EHBP1: variants seen among roughly 807,000 people sequenced by gnomAD.
EHBP1 encodes EH domain-binding protein 1.
In EHBP1, 55 loss-of-function variants were observed where a neutral mutation model predicts 144.0. The ratio of observed to expected loss-of-function variants is 0.38; its 90% confidence interval spans 0.31 to 0.48. The LOEUF (loss-of-function observed/expected upper bound fraction) is 0.48. EHBP1 is among the 20% of genes least tolerant of loss of function. The pLI, the probability that EHBP1 is intolerant of heterozygous loss-of-function variation, is 0.98. For missense variants in EHBP1, 1,200 were observed against 1,364.2 expected, an observed-to-expected ratio of 0.88 and a Z score of 1.90; for synonymous variants, 469 against 472.7, an observed-to-expected ratio of 0.99 and a Z score of 0.10.
Position 62,806,919 on chromosome 2 carries a change from A to G in EHBP1, c.313-19168A>G, listed in dbSNP as rs144055704. Among the ~76,000 whole-genome samples, 247 of 152,172 alleles carry G rather than the reference A, an allele frequency of 1.6e-3. 1 individual carries two copies. Among genetic ancestry groups the G allele is most frequent in the Middle Eastern group, 6.8e-3 (2 of 294 alleles). ...TTGCTGCTATTCTTTTTACTTATAT[A>G]TAAGCATACAAAAACATTTATAGTC... On this transcript the variant is annotated intron_variant, in intron 5 of 22. Coordinates refer to ENST00000431489, the MANE Select transcript of EHBP1 (RefSeq NM_001142616.3).
chr2:62,896,373 C>T (rs563105822), intron 10 of EHBP1, among the ~76,000 whole-genome samples: 95 of 152,226 alleles, frequency 6.2e-4, no homozygotes, highest in East Asian at 1.5e-3. Context: ...AAGGATCTTA[C>T]GGACCATTGT....
chr2:62,862,822 A>C (rs1208406669), intron 8 of EHBP1, among the ~76,000 whole-genome samples: 1 of 152,198 alleles, frequency 6.6e-6, no homozygotes, highest in Non-Finnish European at 1.5e-5. Flanking sequence ...GGCTCACTGA[A>C]ATTTTCCTAC....
chr2:63,032,014 C>T (rs1468143909), intron 19 of EHBP1, among the ~76,000 whole-genome samples: 1 of 151,912 alleles, frequency 6.6e-6, no homozygotes, highest in Non-Finnish European at 1.5e-5. Context: ...GTAATGACTA[C>T]TTTGATGCTT....
upstream of EHBP1, among the ~76,000 whole-genome samples, chr2:62,703,024 A>G (rs182757471): frequency 2.6e-5 from 4 of 152,226 alleles, no homozygotes; most frequent in Admixed American, 1.3e-4. Flanking sequence ...TTTATGTACT[A>G]TTGGTAATAT....
chr2:62,942,926 T>C, intron 11 of EHBP1, 30 bp downstream of exon 11: 1 of 1,453,762 alleles, frequency 6.9e-7, no homozygotes, highest in South Asian at 1.4e-5. Context: ...ATTCCCTATA[T>C]TTTGTAAGTG....
At chr2:62,820,307 AAAG>A (rs1035066078) in intron 5 of EHBP1, among the ~76,000 whole-genome samples, 10 of 152,110 alleles carry the variant, frequency 6.6e-5, no homozygotes, top group Non-Finnish European at 1.3e-4. Context: ...ATAAAAGTAA[AAAG>A]ACTCACAATA....
intron 14 of EHBP1, 157 bp downstream of exon 14, chr2:62,955,817 T>G: frequency 1.5e-6 from 1 of 678,134 alleles, no homozygotes; most frequent in African/African-American, 1.8e-5. Context: ...AAATTCATAC[T>G]TGTAGGACCA....
At chr2:62,869,492 A>T (rs2050295825) in intron 9 of EHBP1, among the ~76,000 whole-genome samples, 1 of 152,216 alleles carries the variant, frequency 6.6e-6, no homozygotes, top group African/African-American at 2.4e-5. Flanking sequence ...AAATTGCAAG[A>T]TCATTATACT....
chr2:62,921,819 A>ATTTTGTATG (rs2055112938), intron 10 of EHBP1, among the ~76,000 whole-genome samples: 1 of 152,186 alleles, frequency 6.6e-6, no homozygotes, highest in Admixed American at 6.5e-5. Flanking sequence ...CAAGGAATAC[A>ATTTTGTATG]TTTTGTATGT....
intron 2 of EHBP1, among the ~76,000 whole-genome samples, chr2:62,721,319 A>G (rs1294243395): frequency 2.0e-5 from 3 of 152,218 alleles, no homozygotes; most frequent in Non-Finnish European, 4.4e-5. Flanking sequence ...CCCCTGTCAC[A>G]TAATATGATA....
chr2:62,681,457 G>A (rs946445650), intron 1 of EHBP1, among the ~76,000 whole-genome samples: 1 of 148,790 alleles, frequency 6.7e-6, no homozygotes, highest in East Asian at 2.0e-4. Flanking sequence ...TGACTGAAAT[G>A]ACTAAGCAGT....
intron 10 of EHBP1, among the ~76,000 whole-genome samples, chr2:62,883,251 G>A (rs991573572): frequency 2.6e-5 from 4 of 152,102 alleles, no homozygotes; most frequent in Non-Finnish European, 4.4e-5. Flanking sequence ...CTCTAAATAC[G>A]TTTTTCCATA....
chr2:62,804,189 G>C (rs1303806752), intron 5 of EHBP1, among the ~76,000 whole-genome samples: 1 of 152,152 alleles, frequency 6.6e-6, no homozygotes, highest in Non-Finnish European at 1.5e-5. Context: ...GATGCCTTTG[G>C]GGGAGAGACA....
chr2:62,948,120 C>A, intron 12 of EHBP1, 140 bp from the exon 13 acceptor site: 1 of 609,872 alleles, frequency 1.6e-6, no homozygotes, highest in Non-Finnish European at 2.4e-6. Flanking sequence ...ACATGTCTGA[C>A]TTTTGGAAAT....
chr2:62,849,527 G>A (rs1392391921), intron 7 of EHBP1, among the ~76,000 whole-genome samples: 1 of 151,950 alleles, frequency 6.6e-6, no homozygotes, highest in Non-Finnish European at 1.5e-5. Context: ...TGAAGTGGTG[G>A]CTTAAAATAT....
At chr2:62,969,276 A>G (rs1355309212) in intron 14 of EHBP1, among the ~76,000 whole-genome samples, 1 of 152,158 alleles carries the variant, frequency 6.6e-6, no homozygotes, top group Non-Finnish European at 1.5e-5. Flanking sequence ...TAGAATATAA[A>G]ACTTTCTATC....
intron 2 of EHBP1, among the ~76,000 whole-genome samples, chr2:62,728,421 A>T (rs79379062): frequency 6.6e-6 from 1 of 152,078 alleles, no homozygotes; most frequent in African/African-American, 2.4e-5. Context: ...TGTCTTTTTT[A>T]TTTTAGCCAT....
intron 5 of EHBP1, among the ~76,000 whole-genome samples, chr2:62,795,275 G>A (rs1455865198): frequency 6.6e-6 from 1 of 151,882 alleles, no homozygotes; most frequent in Non-Finnish European, 1.5e-5. Flanking sequence ...CCCCATTGTG[G>A]TAGTCTCTTA....
intron 5 of EHBP1, among the ~76,000 whole-genome samples, chr2:62,813,834 A>G (rs562441060): frequency 2.6e-5 from 4 of 152,312 alleles, no homozygotes; most frequent in African/African-American, 7.2e-5. Flanking sequence ...GGGAATGTCT[A>G]TACTGCATCT....
Sources: gnomAD v4.1 joint callset for allele counts (sites outside exome capture counted in the v4.1 genomes callset) on GRCh38, gnomAD v4.1.1 for gene constraint, MANE v1.5 for transcripts, NCBI Gene and HGNC (gene_info 2026-07-23, HGNC 2026-07-21) for gene names.